Variants in LAMA2 observed in about 807,000 individuals in gnomAD.
LAMA2 encodes laminin subunit alpha 2, also known as laminin subunit alpha-2.
A neutral mutation model predicts 364.8 loss-of-function variants in LAMA2; 269 were observed. The ratio of observed to expected loss-of-function variants is 0.74; its 90% CI spans 0.67 to 0.82. The LOEUF (loss-of-function observed/expected upper bound fraction) is 0.82, where lower values mean the gene tolerates loss of function less well. LAMA2 is among the 40% of genes least tolerant of loss of function. The pLI is 0.00. For synonymous variants in LAMA2, 1,379 were observed against 1,370.6 expected (o/e 1.01, Z -0.14); for missense variants, 3,807 against 3,873.2 (o/e 0.98, Z 0.45).
chr6:129,102,140 T>C (rs148120481), intron 4 of LAMA2, among the ~76,000 whole-genome samples: 19 of 149,986 alleles, frequency 1.3e-4, no homozygotes, highest in African/African-American at 4.6e-4. Context: ...CTTTTTTTTT[T>C]TTTTTTGAGA....
chr6:129,257,757 C>T (rs928001860), intron 14 of LAMA2, among the ~76,000 whole-genome samples: 1 of 152,088 alleles, frequency 6.6e-6, no homozygotes, highest in Non-Finnish European at 1.5e-5. Context: ...TTTCACAATA[C>T]ATTCAGGCGA....
At chr6:129,279,131 A>G (rs1188925247) in intron 17 of LAMA2, among the ~76,000 whole-genome samples, 1 of 152,196 alleles carries the variant, frequency 6.6e-6, no homozygotes, top group Admixed American at 6.5e-5. Flanking sequence ...TAAGAGAAAG[A>G]TTAATTGAGG....
chr6:129,192,091 C>T (rs1781551395), intron 11 of LAMA2, among the ~76,000 whole-genome samples: 1 of 152,192 alleles, frequency 6.6e-6, no homozygotes, highest in Non-Finnish European at 1.5e-5. Context: ...CAGGTGTTGT[C>T]ATAGCACCAA....
intron 40 of LAMA2, among the ~76,000 whole-genome samples, chr6:129,410,582 G>A (rs1041871691): frequency 9.2e-5 from 14 of 152,090 alleles, no homozygotes; most frequent in African/African-American, 3.4e-4. Flanking sequence ...GGTTGTATTA[G>A]GGTTCTCCAA....
intron 47 of LAMA2, among the ~76,000 whole-genome samples, chr6:129,455,696 T>C (rs911408309): frequency 2.6e-5 from 4 of 152,210 alleles, no homozygotes; most frequent in Admixed American, 2.6e-4. Flanking sequence ...AAAATTCTGT[T>C]AATTGAATTT....
chr6:129,248,295 T>A (rs2114269084), intron 12 of LAMA2, among the ~76,000 whole-genome samples: 1 of 151,988 alleles, frequency 6.6e-6, no homozygotes, highest in African/African-American at 2.4e-5. Flanking sequence ...AGGTGGGGAG[T>A]GCTGCAAGTT....
rs777327817 is a variant in LAMA2 at position 129,154,511 on chromosome 6, A to G, written c.1034A>G (p.Asn345Ser). The G allele has an allele frequency of 2.5e-6, 4 of 1,612,474 alleles. No homozygotes were observed. Among genetic ancestry groups the G allele is most frequent in the South Asian group, 1.1e-5 (1 of 91,060 alleles). ...TTATTTTTCCTTAATGCAGCATGCAATTGTCATGGAAAAGCTGAAGAATGC... is the reference window on the plus strand; with the variant it reads ...TTATTTTTCCTTAATGCAGCATGCAGTTGTCATGGAAAAGCTGAAGAATGC... ...FLTKTECEAC[N>S]CHGKAEECYY... Residue 345 changes from asparagine (N) to serine (S), a missense_variant, in exon 8 of 65, where the codon AAT (asparagine) becomes AGT (serine). Coordinates refer to ENST00000421865, the MANE Select transcript of LAMA2 (RefSeq NM_000426.4).
At chr6:129,110,840 T>C (rs937319590) in intron 4 of LAMA2, among the ~76,000 whole-genome samples, 1 of 152,000 alleles carries the variant, frequency 6.6e-6, no homozygotes, top group East Asian at 1.9e-4. Context: ...TCACAAGAGT[T>C]TGTGTGACAC....
intron 4 of LAMA2, among the ~76,000 whole-genome samples, chr6:129,121,673 A>G (rs1238121981): frequency 6.6e-6 from 1 of 152,186 alleles, no homozygotes; most frequent in Non-Finnish European, 1.5e-5. Flanking sequence ...GAATCTCTAT[A>G]TTAGACTTTC....
chr6:129,336,805 T>C (rs77501846), intron 29 of LAMA2, among the ~76,000 whole-genome samples: 4,836 of 152,310 alleles, frequency 0.032, 234 homozygotes, highest in African/African-American at 0.11. Context: ...ACTCTAGTGA[T>C]ATCTCCAATG....
chr6:129,463,468 C>T (rs1186366749), intron 49 of LAMA2, among the ~76,000 whole-genome samples: 1 of 151,974 alleles, frequency 6.6e-6, no homozygotes, highest in Non-Finnish European at 1.5e-5. Context: ...TGTTTAGCCA[C>T]TCCCAGTCCA....
chr6:128,884,638 A>G (rs1044397975), intron 1 of LAMA2, among the ~76,000 whole-genome samples: 1 of 152,078 alleles, frequency 6.6e-6, no homozygotes, highest in African/African-American at 2.4e-5. Context: ...TTTTCCTTCT[A>G]TTTTTGCTTT....
chr6:129,347,389 C>A (rs1157323834), intron 30 of LAMA2, among the ~76,000 whole-genome samples: 2 of 152,046 alleles, frequency 1.3e-5, no homozygotes, highest in Non-Finnish European at 2.9e-5. Context: ...TAAGTGAGAT[C>A]ATTCAGAGGA....
At chr6:129,372,003 A>G (rs933193028) in intron 34 of LAMA2, among the ~76,000 whole-genome samples, 2 of 152,140 alleles carry the variant, frequency 1.3e-5, no homozygotes, top group African/African-American at 4.8e-5. Flanking sequence ...TGTTTTTTAA[A>G]CAGACTTTAT....
At chr6:129,209,817 C>T (rs1782965922) in intron 12 of LAMA2, among the ~76,000 whole-genome samples, 1 of 151,830 alleles carries the variant, frequency 6.6e-6, no homozygotes, top group Non-Finnish European at 1.5e-5. Context: ...TCCTGGCTAA[C>T]ACGATGAAAT....
chr6:129,398,323 G>A (rs1779771281), intron 37 of LAMA2, among the ~76,000 whole-genome samples: 3 of 152,120 alleles, frequency 2.0e-5, no homozygotes, highest in African/African-American at 7.2e-5. Context: ...CAGGGACATT[G>A]GGACTCTTCC....
At chr6:128,923,222 G>C (rs1260235449) in intron 1 of LAMA2, among the ~76,000 whole-genome samples, 1 of 150,962 alleles carries the variant, frequency 6.6e-6, no homozygotes, top group Non-Finnish European at 1.5e-5. Context: ...GAACTTTAAA[G>C]TAGTTTTTTC....
chr6:129,328,201 C>A, intron 28 of LAMA2, 77 bp from the exon 29 acceptor site: 2 of 1,290,886 alleles, frequency 1.5e-6, no homozygotes, highest in Non-Finnish European at 2.2e-6. Flanking sequence ...TCTGTCTTTG[C>A]AGCCACTGAA....
At chr6:129,365,776 C>T (rs910650458) in intron 32 of LAMA2, among the ~76,000 whole-genome samples, 2 of 151,844 alleles carry the variant, frequency 1.3e-5, no homozygotes, top group Non-Finnish European at 2.9e-5. Flanking sequence ...ATTACTATGA[C>T]TTTCTCCAGT....
Sources: gnomAD v4.1 joint callset for allele counts (sites outside exome capture counted in the v4.1 genomes callset) on GRCh38, gnomAD v4.1.1 for gene constraint, MANE v1.5 for transcripts, NCBI Gene and HGNC (gene_info 2026-07-23, HGNC 2026-07-21) for gene names.